Variants in THAP4 observed in about 807,000 individuals in gnomAD.
THAP4 encodes peroxynitrite isomerase THAP4.
A neutral mutation model predicts 48.1 loss-of-function variants in THAP4; 18 were observed. That is an observed-to-expected ratio of 0.37 (90% CI 0.26 to 0.56). The LOEUF (loss-of-function observed/expected upper bound fraction) is 0.56, where lower values mean the gene tolerates loss of function less well. Ranked by LOEUF, THAP4 falls within the 20% of genes least tolerant of loss-of-function variation. THAP4 has a pLI of 0.78. For missense variants in THAP4, 656 were observed against 774.9 expected (o/e 0.85, Z 1.82); for synonymous variants, 345 against 324.9 (o/e 1.06, Z -0.66).
intron 2 of THAP4, among the ~76,000 whole-genome samples, chr2:241,630,705 G>C (rs2067545733): frequency 6.6e-6 from 1 of 151,892 alleles, no homozygotes; most frequent in South Asian, 2.1e-4. Flanking sequence ...CTTGAACCCG[G>C]GAGGTGGAGG....
At position 241,633,235 on chromosome 2, in the gene THAP4, T is replaced by C; in HGVS notation, c.922A>G (p.Thr308Ala). The change falls in exon 2 of 6, where the codon ACC becomes GCC. Residue 308 changes from threonine (T) to alanine (A), a missense_variant. Physicochemically the swap from Thr to Ala is moderately conservative, Grantham distance 58. This residue lies in a region of THAP4 where 391 missense variants were observed against 412.4 expected (regional missense o/e 0.95). Transcript: ENST00000407315. This position sits in a 1 kb window ranked among gnomAD's most constrained non-coding sequence, Gnocchi z 7.5. Reference protein sequence around the residue: ...QSPSAPPADVTPKPATEAVQS... With the variant: ...QSPSAPPADVAPKPATEAVQS... Reference sequence around the variant, plus strand: ...ACGGCTTCCGTGGCTGGCTTTGGGGTGACGTCGGCAGGAGGGGCAGAGGGG... The same window carrying C: ...ACGGCTTCCGTGGCTGGCTTTGGGGCGACGTCGGCAGGAGGGGCAGAGGGG... The C allele has an allele frequency of 6.2e-7, 1 of 1,608,830 alleles. No individual in the cohort carries two copies. The highest frequency in any genetic ancestry group is 1.1e-5 in the South Asian group (1 of 90,882).
At chr2:241,585,930 GA>G (rs1247935159) in intron 5 of THAP4, among the ~76,000 whole-genome samples, 6 of 108,984 alleles carry the variant, frequency 5.5e-5, no homozygotes, top group East Asian at 3.0e-4. Context: ...AAAAAAAAAA[GA>G]AAAAAAAAAG....
Position 241,628,962 on chromosome 2 carries a change from G to C in THAP4, c.1240+3955C>G, listed in dbSNP as rs933280411. The stretch of plus-strand genomic sequence containing the variant: ...AAAAAAAAAAAAGTCATTAAATACT[G>C]CCAAAAAGGAGGGGAAACTTGGATA... On this transcript the variant is annotated intron_variant, in intron 2 of 5. Transcript: ENST00000407315. Among the ~76,000 whole-genome samples the C allele has an allele frequency of 1.4e-4, 21 of 146,734 alleles. 1 individual carries two copies. Among genetic ancestry groups the C allele is most frequent in the Admixed American group, 1.4e-3 (21 of 14,746 alleles).
chr2:241,599,988 C>T (rs2067093014), intron 5 of THAP4, among the ~76,000 whole-genome samples: 1 of 152,076 alleles, frequency 6.6e-6, no homozygotes, highest in South Asian at 2.1e-4. Context: ...GCAGGCGGAT[C>T]ACTTGAGGTC....
At position 241,601,677 on chromosome 2, in the gene THAP4, C is replaced by A. The variant is rs755750514; in HGVS notation, c.1614+219G>T. On this transcript the variant is annotated intron_variant, in intron 5 of 5. Coordinates refer to ENST00000407315, the MANE Select transcript of THAP4 (RefSeq NM_015963.6). The surrounding 1 kb of genome is among the most constrained non-coding windows in gnomAD (Gnocchi z 4.0). ...AGGATGTTTGTGACAAACAACAAAC[C>A]TCAAAAAAACCACACCACTGACCAG... is the stretch of plus-strand genomic sequence containing the variant. 2.7e-6 allele frequency: 2 copies of A among 748,856 alleles called. No homozygotes were observed. The highest frequency in any genetic ancestry group is 2.2e-5 in the South Asian group (1 of 45,080). 46.4% of individuals were successfully genotyped at this position (748,856 alleles called of 1,614,324 possible).
intron 2 of THAP4, among the ~76,000 whole-genome samples, chr2:241,624,978 T>C (rs1298680611): frequency 6.6e-6 from 1 of 152,222 alleles, no homozygotes; most frequent in Admixed American, 6.5e-5. Context: ...AATATATTTT[T>C]TTATTATGTC....
chr2:241,630,007 G>A (rs1007306146), intron 2 of THAP4, among the ~76,000 whole-genome samples: 4 of 152,238 alleles, frequency 2.6e-5, no homozygotes, highest in East Asian at 1.9e-4. Flanking sequence ...GTCACAAAAA[G>A]GGACTGTGTT....
chr2:241,637,339 G>GGGCGCT, upstream of THAP4: 1 of 1,282,564 alleles, frequency 7.8e-7, no homozygotes, highest in Non-Finnish European at 1.0e-6. Flanking sequence ...ACCGCGACAT[G>GGGCGCT]GGCGCGCCGA....
At chr2:241,620,361 G>A (rs1462603490) in intron 2 of THAP4, among the ~76,000 whole-genome samples, 4 of 120,600 alleles carry the variant, frequency 3.3e-5, no homozygotes, top group Admixed American at 1.6e-4. Context: ...TGAGTGAGTC[G>A]GTGAGTGAGG....
rs1034780238 is a variant in THAP4 at position 241,610,353 on chromosome 2, G to A, written c.1241-3880C>T. On this transcript the variant is annotated intron_variant, in intron 2 of 5. Transcript: ENST00000407315. This position sits in a 1 kb window ranked among gnomAD's most constrained non-coding sequence, Gnocchi z 4.2. ...GCGCCTGCGGGACCGGGAGGGCCGC[G>A]CTCGCCCCCCAGCGCCAGGGTCACG... Among the ~76,000 whole-genome samples, 9 of 152,118 alleles carry A rather than the reference G, an allele frequency of 5.9e-5. No homozygotes were observed. The highest frequency in any genetic ancestry group is 1.2e-4 in the Non-Finnish European group (8 of 67,998).
At chr2:241,617,304 T>G in intron 2 of THAP4, 1 of 820,210 alleles carries the variant, frequency 1.2e-6, no homozygotes, top group Non-Finnish European at 2.0e-6. Flanking sequence ...TCTGATTTCA[T>G]TTTTCTTTTA....
chr2:241,628,377 C>T, intron 2 of THAP4, among the ~76,000 whole-genome samples: 1 of 151,794 alleles, frequency 6.6e-6, no homozygotes, highest in East Asian at 1.9e-4. Context: ...TGGCCTCAGA[C>T]TGCCTGTTCA....
chr2:241,631,304 A>G (rs1035312854), intron 2 of THAP4, among the ~76,000 whole-genome samples: 2 of 152,234 alleles, frequency 1.3e-5, no homozygotes, highest in Non-Finnish European at 2.9e-5. Flanking sequence ...GCATTGATCC[A>G]GATGAAATCA....
Position 241,601,779 on chromosome 2 carries a change from C to T in THAP4, c.1614+117G>A, listed in dbSNP as rs1479750589. 2.0e-6 allele frequency: 3 copies of T among 1,537,834 alleles called. No individual in the cohort carries two copies. In the South Asian group the frequency reaches 3.6e-5, roughly 18 times the overall value. On this transcript the variant is annotated intron_variant, in intron 5 of 5. Coordinates refer to ENST00000407315, the MANE Select transcript of THAP4 (RefSeq NM_015963.6). This position sits in a 1 kb window ranked among gnomAD's most constrained non-coding sequence, Gnocchi z 4.0. ...AGGGAAAAGAAGGAGACAGTGAAGACAGGCCTGTGAGACACAGTGGCAAGA... is the reference window on the plus strand; with the variant it reads ...AGGGAAAAGAAGGAGACAGTGAAGATAGGCCTGTGAGACACAGTGGCAAGA...
chr2:241,599,428 C>T lies in THAP4; in HGVS notation c.1614+2468G>A, dbSNP rs2067086715. Among the ~76,000 whole-genome samples the T allele has an allele frequency of 3.3e-5, 5 of 152,086 alleles. 1 individual carries two copies. Among genetic ancestry groups the T allele is most frequent in the South Asian group, 2.1e-4 (1 of 4,818 alleles). ...GATCCTGGCTGTCTGAAAGTTACAC[C>T]AGTGGCCCAGTTCAACACAGAGAAA... On this transcript the variant is annotated intron_variant, in intron 5 of 5. Transcript: ENST00000407315.
chr2:241,626,468 CA>C (rs993669906), intron 2 of THAP4, among the ~76,000 whole-genome samples: 1 of 150,868 alleles, frequency 6.6e-6, no homozygotes, highest in African/African-American at 2.4e-5. Context: ...CAAAACAAAA[CA>C]AAAAAACAAA....
At chr2:241,618,010 A>T (rs1449814221) in intron 2 of THAP4, among the ~76,000 whole-genome samples, 1 of 152,172 alleles carries the variant, frequency 6.6e-6, no homozygotes, top group Non-Finnish European at 1.5e-5. Context: ...TGTGTTAGTG[A>T]CACGTTGTTT....
At chr2:241,615,827 T>C (rs1005445984) in intron 2 of THAP4, among the ~76,000 whole-genome samples, 6 of 152,170 alleles carry the variant, frequency 3.9e-5, no homozygotes, top group Admixed American at 6.5e-5. Flanking sequence ...CACATCCCCG[T>C]GCCCCAAGCC....
rs768814277 is a variant in THAP4 at position 241,589,224 on chromosome 2, AG to A, written c.1615-4500del. Among the ~76,000 whole-genome samples, 715 of 150,090 alleles carry A rather than the reference AG, an allele frequency of 4.8e-3. 13 individuals carry two copies. The highest frequency in any genetic ancestry group is 0.017 in the African/African-American group (676 of 40,572). ...GCAAACAATGTCTCAAAAAAAAAAA[AG>A]AAAAAGAAAAGAAACCCCCCACCCC... On this transcript the variant is annotated intron_variant, in intron 5 of 5. Transcript: ENST00000407315.
Sources: allele counts gnomAD v4.1 joint callset (sites outside exome capture counted in the v4.1 genomes callset), GRCh38; gene constraint gnomAD v4.1.1; regional missense constraint gnomAD v4.1.1; non-coding constraint Gnocchi (gnomAD v3.1); transcripts MANE v1.5; gene names NCBI Gene and HGNC (gene_info 2026-07-23, HGNC 2026-07-21).